The following WWP2 variants were observed in gnomAD, a reference collection of about 807,000 sequenced individuals.
The protein encoded by WWP2 is WW domain containing E3 ubiquitin protein ligase 2, also known as NEDD4-like E3 ubiquitin-protein ligase WWP2.
A neutral mutation model predicts 121.0 loss-of-function variants in WWP2; 57 were observed. That is an observed-to-expected ratio of 0.47 (90% CI 0.38 to 0.59). WWP2 has a LOEUF of 0.59. Among genes scored for constraint, WWP2 ranks in the 20% least tolerant of loss-of-function variants. WWP2 has a pLI of 0.00. For missense variants in WWP2, 962 were observed against 1,158.9 expected (o/e 0.83, Z 2.47); for synonymous variants, 449 against 441.3 (o/e 1.02, Z -0.22).
intron 11 of WWP2, among the ~76,000 whole-genome samples, chr16:69,928,494 T>C (rs894977498): frequency 3.3e-5 from 5 of 152,214 alleles, no homozygotes; most frequent in African/African-American, 9.6e-5. Context: ...AGAGCCCTTA[T>C]CAGTATATCA....
At chr16:69,847,323 G>A (rs1056801025) in intron 6 of WWP2, among the ~76,000 whole-genome samples, 12 of 151,800 alleles carry the variant, frequency 7.9e-5, no homozygotes, top group East Asian at 7.7e-4. Context: ...GACTTCAGGC[G>A]ATCCACGCAC....
chr16:69,808,584 C>G (rs755840030), intron 4 of WWP2, among the ~76,000 whole-genome samples: 43 of 152,128 alleles, frequency 2.8e-4, no homozygotes, highest in Non-Finnish European at 5.9e-4. Context: ...GTATTTTCAG[C>G]AGAGACAGGG....
intron 6 of WWP2, among the ~76,000 whole-genome samples, chr16:69,858,422 A>C (rs529420805): frequency 6.6e-6 from 1 of 152,138 alleles, no homozygotes; most frequent in East Asian, 1.9e-4. Flanking sequence ...TCATTCGCCA[A>C]AACTTCTGGG....
intron 4 of WWP2, among the ~76,000 whole-genome samples, chr16:69,827,612 G>C (rs1435412456): frequency 1.3e-5 from 2 of 152,204 alleles, no homozygotes; most frequent in East Asian, 3.8e-4. Context: ...GCTCTGCAAA[G>C]AACATTTAAA....
chr16:69,832,439 T>G (rs1366670023), intron 4 of WWP2, among the ~76,000 whole-genome samples: 2 of 152,228 alleles, frequency 1.3e-5, no homozygotes, highest in Admixed American at 1.3e-4. Context: ...GATGCCAATT[T>G]CATACCTAGA....
intron 11 of WWP2, among the ~76,000 whole-genome samples, chr16:69,928,249 G>A (rs957523571): frequency 6.6e-6 from 1 of 152,160 alleles, no homozygotes; most frequent in African/African-American, 2.4e-5. Context: ...TCTTGTAAAA[G>A]GAGAGCCATT....
chr16:69,890,252 G>T lies in WWP2; in HGVS notation c.914+2003G>T, dbSNP rs146031503. Among the ~76,000 whole-genome samples the T allele has an allele frequency of 3.0e-3, 453 of 151,832 alleles. 2 individuals carry two copies. Among genetic ancestry groups the T allele is most frequent in the African/African-American group, 0.01 (431 of 41,386 alleles). ...GGCACATGTGACCTTTACTACGTAC[G>T]TATTGTTTTCCTAGCATGCGCCACG... On this transcript the variant is annotated intron_variant, in intron 8 of 23. Coordinates refer to ENST00000359154, the MANE Select transcript of WWP2 (RefSeq NM_001270454.2).
chr16:69,827,993 G>A (rs1465509814), intron 4 of WWP2: 3 of 442,202 alleles, frequency 6.8e-6, no homozygotes, highest in Non-Finnish European at 9.1e-6. Flanking sequence ...GCTGGTTCCC[G>A]AGACTCCTTC....
Position 69,940,329 on chromosome 16 carries a change from G to A in WWP2, c.*389G>A, listed in dbSNP as rs141371236. On this transcript the variant is annotated 3_prime_UTR_variant, in exon 24 of 24. Transcript: ENST00000359154. ...CTGGACTAGTTCGGCGAGGAGACTG[G>A]CCACTGGGGGTGGCTGTTCGGGACT... 366 of 193,532 alleles carry A rather than the reference G, an allele frequency of 1.9e-3. 2 individuals are homozygous for A. Among genetic ancestry groups the A allele is most frequent in the African/African-American group, 7.9e-3 (342 of 43,214 alleles). 12.0% of individuals were successfully genotyped at this position (193,532 alleles called of 1,614,324 possible).
chr16:69,887,898 T>C lies in WWP2; in HGVS notation c.704-141T>C, dbSNP rs112031059. 1.1e-5 allele frequency: 10 copies of C among 950,234 alleles called. No homozygotes were observed. In the African/African-American group the frequency reaches 1.3e-4, roughly 13 times the overall value. The allele number at this position is 950,234 out of a possible 1,614,324, so 58.9% of individuals were successfully genotyped here. On this transcript the variant is annotated intron_variant, in intron 7 of 23. Transcript: ENST00000359154. ...TGCTGTACTTTTCAAAGTCATGTTT[T>C]GTAAAACTTTTTGCTGTCGCCCAAT...
chr16:69,848,479 G>A lies in WWP2; in HGVS notation c.575+6359G>A, dbSNP rs944371192. Among the ~76,000 whole-genome samples, 18 of 150,068 alleles carry A rather than the reference G, an allele frequency of 1.2e-4. No homozygotes were observed. The East Asian group carries it at 2.4e-3, about 20-fold the overall frequency. On this transcript the variant is annotated intron_variant, in intron 6 of 23. Transcript: ENST00000359154. Reference sequence around the variant, plus strand: ...AAAAAAAAACAAACAAACAAGAAGCGAAGTGTCAATAGCTAGGTGCAGTGG... The same window carrying A: ...AAAAAAAAACAAACAAACAAGAAGCAAAGTGTCAATAGCTAGGTGCAGTGG...
chr16:69,800,256 A>C (rs1366738193), intron 4 of WWP2, among the ~76,000 whole-genome samples: 1 of 152,146 alleles, frequency 6.6e-6, no homozygotes, highest in Non-Finnish European at 1.5e-5. Context: ...ATGTGCCTCC[A>C]CTTTAATCCT....
At chr16:69,831,715 G>A (rs2056796163) in intron 4 of WWP2, among the ~76,000 whole-genome samples, 1 of 151,268 alleles carries the variant, frequency 6.6e-6, no homozygotes, top group Non-Finnish European at 1.5e-5. Context: ...CTTGACTGAT[G>A]TGTCTTCTAC....
At chr16:69,847,273 C>T (rs1030442800) in intron 6 of WWP2, among the ~76,000 whole-genome samples, 3 of 151,310 alleles carry the variant, frequency 2.0e-5, no homozygotes, top group African/African-American at 2.4e-5. Context: ...TTAGTAGAGA[C>T]GGGGTTTCAC....
At chr16:69,924,573 A>C (rs1300160460) in intron 10 of WWP2, among the ~76,000 whole-genome samples, 1 of 152,052 alleles carries the variant, frequency 6.6e-6, no homozygotes, top group Non-Finnish European at 1.5e-5. Flanking sequence ...CTCGAAGCAG[A>C]ATTTGGCTGG....
intron 10 of WWP2, 58 bp downstream of exon 10, chr16:69,917,941 C>T: frequency 1.3e-6 from 2 of 1,482,500 alleles, no homozygotes; most frequent in Non-Finnish European, 1.8e-6. Flanking sequence ...TGCGAATGTG[C>T]AGCCACGTGT....
chr16:69,804,539 A>G (rs1054846653), intron 4 of WWP2, among the ~76,000 whole-genome samples: 6 of 152,312 alleles, frequency 3.9e-5, no homozygotes, highest in Non-Finnish European at 8.8e-5. Context: ...CATTGAATCC[A>G]TCGTTTTATT....
chr16:69,798,594 T>C (rs946215296), intron 2 of WWP2, 88 bp from the exon 3 acceptor site: 10 of 1,423,926 alleles, frequency 7.0e-6, no homozygotes, highest in Non-Finnish European at 9.4e-6. Context: ...TTTAAAGCAA[T>C]AACTAAAAAG....
chr16:69,799,311 G>C lies in WWP2; in HGVS notation c.340+16G>C, dbSNP rs879361193. 6.2e-6 allele frequency: 10 copies of C among 1,610,666 alleles called. No individual in the cohort carries two copies. Among genetic ancestry groups the C allele is most frequent in the Middle Eastern group, 1.7e-4 (1 of 6,050 alleles). The stretch of plus-strand genomic sequence containing the variant: ...GGGGGCAAAAGTACGTATGATGAAG[G>C]GGGTGCCGACGTGATTCTTGGGTGG... On this transcript the variant is annotated intron_variant, in intron 4 of 23. Coordinates refer to ENST00000359154, the MANE Select transcript of WWP2 (RefSeq NM_001270454.2). The surrounding 1 kb of genome is among the most constrained non-coding windows in gnomAD (Gnocchi z 4.5).
Sources: gnomAD v4.1 joint callset for allele counts (sites outside exome capture counted in the v4.1 genomes callset) on GRCh38, gnomAD v4.1.1 for gene constraint, Gnocchi (gnomAD v3.1) non-coding constraint, MANE v1.5 for transcripts, NCBI Gene and HGNC (gene_info 2026-07-23, HGNC 2026-07-21) for gene names.